TMEM144: variants seen among roughly 807,000 people sequenced by gnomAD.
TMEM144 encodes the protein transmembrane protein 144.
In TMEM144, 39 loss-of-function variants were observed where a neutral mutation model predicts 43.6. The ratio of observed to expected loss-of-function variants is 0.90; its 90% CI spans 0.69 to 1.17. The LOEUF (loss-of-function observed/expected upper bound fraction) is 1.17, where lower values mean the gene tolerates loss of function less well. Among genes scored for constraint, TMEM144 ranks in the 50% most tolerant of loss-of-function variants. TMEM144 has a pLI of 0.00. For synonymous variants in TMEM144, 154 were observed against 133.6 expected (o/e 1.15, Z -1.06); for missense variants, 417 against 411.9 (o/e 1.01, Z -0.11).
chr4:158,235,285 T>C (rs1271648381), intron 7 of TMEM144, 153 bp from the exon 8 acceptor site: 1 of 658,832 alleles, frequency 1.5e-6, no homozygotes, highest in African/African-American at 1.8e-5. Flanking sequence ...TTAGAAACAG[T>C]TGAGTTTAGA....
chr4:158,214,980 CA>C (rs1021110019), intron 3 of TMEM144, among the ~76,000 whole-genome samples: 14 of 152,172 alleles, frequency 9.2e-5, no homozygotes, highest in Non-Finnish European at 2.1e-4. Context: ...GCTGTTTGGA[CA>C]GGTTGCTTAA....
rs1214827823 is a variant in TMEM144 at position 158,232,959 on chromosome 4, A to G, written c.472A>G (p.Thr158Ala). 1.2e-6 allele frequency: 2 copies of G among 1,611,022 alleles called. No individual in the cohort carries two copies. The highest frequency in any genetic ancestry group is 1.7e-6 in the Non-Finnish European group (2 of 1,178,432). The change falls in exon 7 of 13, where the codon ACC becomes GCC. Residue 158 changes from threonine (T) to alanine (A), a missense_variant. Coordinates refer to ENST00000296529, the MANE Select transcript of TMEM144 (RefSeq NM_018342.5). ...ACCAAATAACACGTGTTCCATGGAT[A>G]CCACTCCATTAATAACAGAGCATGT... Reference protein sequence around the residue: ...EIPNNTCSMDTTPLITEHVIN... With the variant: ...EIPNNTCSMDATPLITEHVIN...
intron 2 of TMEM144, chr4:158,212,004 A>G (rs1733982395): frequency 6.6e-6 from 1 of 152,236 alleles, no homozygotes; most frequent in African/African-American, 2.4e-5. Context: ...AGTTATTACT[A>G]TAACATTAAA....
chr4:158,217,524 G>C, intron 5 of TMEM144, 104 bp downstream of exon 5: 1 of 804,294 alleles, frequency 1.2e-6, no homozygotes, highest in South Asian at 1.7e-5. Context: ...TTCTCACAGA[G>C]TTTATAGCTG....
At chr4:158,238,400 A>G (rs537681367) in intron 9 of TMEM144, among the ~76,000 whole-genome samples, 4 of 152,176 alleles carry the variant, frequency 2.6e-5, no homozygotes, top group African/African-American at 9.6e-5. Context: ...CTTTAACAGA[A>G]TGGATAGACT....
rs1736360499 is a variant in TMEM144 at position 158,254,232 on chromosome 4, G to A, written c.*705G>A. The A allele has an allele frequency of 6.6e-6, 1 of 152,092 alleles. No individual in the cohort carries two copies. Among genetic ancestry groups the A allele is most frequent in the South Asian group, 2.1e-4 (1 of 4,820 alleles). The allele number at this position is 152,092 out of a possible 1,614,324, so 9.4% of individuals were successfully genotyped here. The stretch of plus-strand genomic sequence containing the variant: ...TACATACATACACAAGTATATTCAC[G>A]TACATAAATACACACAGATATGTTG... On this transcript the variant is annotated 3_prime_UTR_variant, in exon 13 of 13. Transcript: ENST00000296529.
chr4:158,252,336 A>C (rs1177777061), intron 12 of TMEM144, among the ~76,000 whole-genome samples: 1 of 151,842 alleles, frequency 6.6e-6, no homozygotes, highest in Non-Finnish European at 1.5e-5. Context: ...TTTCTTCCTC[A>C]CCCTTCAGAT....
At position 158,217,688 on chromosome 4, in the gene TMEM144, T is replaced by C. The variant is rs570360955; in HGVS notation, c.332+268T>C. On this transcript the variant is annotated intron_variant, in intron 5 of 12. Transcript: ENST00000296529. ...AGGAAACTGATTTTTATTGTCCCTT[T>C]CTATTGTGTGACAATTTGCTGGACA... Among the ~76,000 whole-genome samples the C allele has an allele frequency of 3.3e-5, 5 of 152,350 alleles. No homozygotes were observed. In the South Asian group the frequency reaches 1.0e-3, roughly 32 times the overall value.
chr4:158,233,258 T>C (rs1300803009), intron 7 of TMEM144: 1 of 214,544 alleles, frequency 4.7e-6, no homozygotes, highest in Non-Finnish European at 9.2e-6. Flanking sequence ...GATTTAAAGA[T>C]TCCTACAATA....
intron 4 of TMEM144, 126 bp downstream of exon 4, chr4:158,215,439 T>G (rs922595627): frequency 1.7e-6 from 2 of 1,197,638 alleles, no homozygotes; most frequent in Non-Finnish European, 2.2e-6. Flanking sequence ...TACTAGAAAT[T>G]AACTAGTTTC....
At chr4:158,235,738 A>G (rs145875324) in intron 8 of TMEM144, 19 of 383,008 alleles carry the variant, frequency 5.0e-5, no homozygotes, top group African/African-American at 3.4e-4. Context: ...TCTCCAAATG[A>G]TAAGTAGATA....
intron 7 of TMEM144, chr4:158,235,126 T>C (rs2111133256): frequency 4.3e-6 from 1 of 231,894 alleles, no homozygotes; most frequent in Middle Eastern, 1.5e-3. Context: ...TTACAGATTA[T>C]GCAGACCATT....
intron 6 of TMEM144, among the ~76,000 whole-genome samples, chr4:158,231,642 C>T (rs1459757624): frequency 6.6e-6 from 1 of 151,716 alleles, no homozygotes; most frequent in African/African-American, 2.4e-5. Flanking sequence ...TTAGTTTGGA[C>T]AGGACAAAGA....
chr4:158,247,502 A>C (rs1560841943), intron 12 of TMEM144, among the ~76,000 whole-genome samples: 1 of 152,142 alleles, frequency 6.6e-6, no homozygotes, highest in African/African-American at 2.4e-5. Context: ...TAAAAATTTA[A>C]AAGAATCAGC....
intron 12 of TMEM144, among the ~76,000 whole-genome samples, chr4:158,245,252 GTGTGTGTGTGTA>G (rs1423255106): frequency 0.02 from 2,227 of 109,856 alleles, 42 homozygotes; most frequent in African/African-American, 0.043. Context: ...GTGTGTGTGT[GTGTGTGTGTGTA>G]TGTATGTTTT....
chr4:158,229,878 T>C (rs982614441), intron 6 of TMEM144, among the ~76,000 whole-genome samples: 40 of 152,330 alleles, frequency 2.6e-4, no homozygotes, highest in African/African-American at 9.6e-4. Flanking sequence ...CCTGGAGCTA[T>C]AGAGCTGGAT....
At chr4:158,242,349 A>T (rs1367961857) in intron 11 of TMEM144, among the ~76,000 whole-genome samples, 2 of 151,260 alleles carry the variant, frequency 1.3e-5, no homozygotes, top group African/African-American at 4.9e-5. Flanking sequence ...CACTTTATCC[A>T]AGGACAACCT....
chr4:158,250,468 C>T (rs1736146081), intron 12 of TMEM144, among the ~76,000 whole-genome samples: 1 of 152,108 alleles, frequency 6.6e-6, no homozygotes, highest in South Asian at 2.1e-4. Context: ...GTGAGAATTT[C>T]ACTGTGGAGC....
intron 8 of TMEM144, among the ~76,000 whole-genome samples, chr4:158,236,640 T>A (rs1297900889): frequency 6.6e-6 from 1 of 152,100 alleles, no homozygotes; most frequent in Non-Finnish European, 1.5e-5. Flanking sequence ...TGGAGGGAAT[T>A]GTTTTTGCCT....
Sources: gnomAD v4.1 joint callset for allele counts (sites outside exome capture counted in the v4.1 genomes callset) on GRCh38, gnomAD v4.1.1 for gene constraint, MANE v1.5 for transcripts, NCBI Gene and HGNC (gene_info 2026-07-23, HGNC 2026-07-21) for gene names.